The following LY86 variants were observed in gnomAD, a reference collection of about 807,000 sequenced individuals.
The protein encoded by LY86 is MD-1, RP105-associated.
A neutral mutation model predicts 17.3 loss-of-function variants in LY86; 20 were observed. That is an observed-to-expected ratio of 1.15 (90% CI 0.81 to 1.68). The LOEUF (loss-of-function observed/expected upper bound fraction) is 1.68, where lower values mean the gene tolerates loss of function less well. Ranked by LOEUF, LY86 falls within the 40% of genes most tolerant of loss-of-function variation. The pLI is 0.00. For missense variants in LY86, 200 were observed against 191.9 expected (o/e 1.04, Z -0.25); for synonymous variants, 74 against 70.6 (o/e 1.05, Z -0.24).
chr6:6,614,187 G>A (rs1761487966), intron 1 of LY86, among the ~76,000 whole-genome samples: 1 of 152,052 alleles, frequency 6.6e-6, no homozygotes, highest in Non-Finnish European at 1.5e-5. Flanking sequence ...CACACACAAC[G>A]CAACACAATC....
intron 3 of LY86, among the ~76,000 whole-genome samples, chr6:6,635,784 C>T (rs187921934): frequency 2.6e-5 from 4 of 152,324 alleles, no homozygotes; most frequent in African/African-American, 7.2e-5. Flanking sequence ...CTCCTCTTCT[C>T]GTGGATGGAT....
rs2233120 is a variant in LY86 at position 6,588,932 on chromosome 6, C to T, written c.136+62C>T. On this transcript the variant is annotated intron_variant, in intron 1 of 4. Coordinates refer to ENST00000230568, the MANE Select transcript of LY86 (RefSeq NM_004271.4). ...GAAAGCAAGGCCCACAGATGTGAGC[C>T]GCTAGTGCTCAGTTGGAGTTGGGGT... 4,264 of 1,563,376 alleles carry T rather than the reference C, an allele frequency of 2.7e-3. 97 individuals are homozygous for T. The Admixed American group carries it at 0.041, about 15-fold the overall frequency.
intron 4 of LY86, among the ~76,000 whole-genome samples, chr6:6,650,013 A>G (rs887612545): frequency 6.6e-6 from 1 of 152,140 alleles, no homozygotes; most frequent in African/African-American, 2.4e-5. Flanking sequence ...GTGGGGTTCC[A>G]TATGGCAGTG....
chr6:6,624,271 G>C (rs1413797446), intron 1 of LY86, among the ~76,000 whole-genome samples: 1 of 149,936 alleles, frequency 6.7e-6, no homozygotes, highest in Non-Finnish European at 1.5e-5. Context: ...CTTTGTGAAT[G>C]AGCAGAAGTT....
chr6:6,652,168 G>A (rs1046725549), intron 4 of LY86, among the ~76,000 whole-genome samples: 1 of 150,854 alleles, frequency 6.6e-6, no homozygotes, highest in African/African-American at 2.4e-5. Context: ...TTCTTCAACC[G>A]CTGATGGTAC....
chr6:6,647,980 C>T (rs755136469), intron 3 of LY86, among the ~76,000 whole-genome samples: 2 of 38,996 alleles, frequency 5.1e-5, no homozygotes, highest in South Asian at 1.5e-3. Context: ...CACACACACA[C>T]ACACACACAC....
At chr6:6,612,531 A>T (rs988216304) in intron 1 of LY86, among the ~76,000 whole-genome samples, 1 of 152,200 alleles carries the variant, frequency 6.6e-6, no homozygotes, top group Non-Finnish European at 1.5e-5. Flanking sequence ...GAACAAACCA[A>T]CCACACAAAA....
rs113353455 is a variant in LY86, at chr6:6,624,886, C to T, written c.137-40C>T. The T allele has an allele frequency of 5.2e-5, 47 of 900,110 alleles. No homozygotes were observed. The Middle Eastern group carries it at 6.8e-4, about 13-fold the overall frequency. 55.8% of individuals were successfully genotyped at this position (900,110 alleles called of 1,614,324 possible). On this transcript the variant is annotated intron_variant, in intron 1 of 4. Transcript: ENST00000230568. ...ATTTTGAATATGTTTGCAAAATATA[C>T]GATGTACTCGCAACTAATCTATTGT...
chr6:6,603,629 CA>C (rs1280116691), intron 1 of LY86, among the ~76,000 whole-genome samples: 5 of 63,148 alleles, frequency 7.9e-5, no homozygotes, highest in African/African-American at 2.0e-4. Context: ...CAAAAAAAAA[CA>C]AAACACACAC....
intron 1 of LY86, 22 bp from the exon 2 acceptor site, chr6:6,624,904 T>A (rs760012549): frequency 8.4e-7 from 1 of 1,194,398 alleles, no homozygotes; most frequent in Non-Finnish European, 1.2e-6. Context: ...TCGCAACTAA[T>A]CTATTGTTTT....
intron 1 of LY86, 68 bp downstream of exon 1, chr6:6,588,938 T>G: frequency 2.6e-6 from 4 of 1,542,180 alleles, no homozygotes; most frequent in Non-Finnish European, 2.6e-6. Context: ...GAGCCGCTAG[T>G]GCTCAGTTGG....
At chr6:6,592,821 CTG>C (rs1760573582) in intron 1 of LY86, among the ~76,000 whole-genome samples, 1 of 152,208 alleles carries the variant, frequency 6.6e-6, no homozygotes, top group Admixed American at 6.5e-5. Context: ...CTCCAGGACT[CTG>C]AGAAATCAAT....
chr6:6,617,748 T>C (rs1761587619), intron 1 of LY86, among the ~76,000 whole-genome samples: 1 of 152,230 alleles, frequency 6.6e-6, no homozygotes, highest in South Asian at 2.1e-4. Context: ...GTTAGGATCC[T>C]ATGCTATGTG....
intron 1 of LY86, among the ~76,000 whole-genome samples, chr6:6,593,058 C>T (rs1760581752): frequency 6.6e-6 from 1 of 152,224 alleles, no homozygotes; most frequent in Admixed American, 6.5e-5. Flanking sequence ...CCTGTTGTTG[C>T]TGTGACAAAT....
chr6:6,650,684 T>C (rs1283415339), intron 4 of LY86, among the ~76,000 whole-genome samples: 1 of 152,226 alleles, frequency 6.6e-6, no homozygotes, highest in Non-Finnish European at 1.5e-5. Context: ...CATGCTGATG[T>C]ATTCAGTACA....
intron 3 of LY86, among the ~76,000 whole-genome samples, chr6:6,645,925 C>T (rs1762100444): frequency 6.6e-6 from 1 of 152,148 alleles, no homozygotes; most frequent in South Asian, 2.1e-4. Flanking sequence ...ATGAGTTCTG[C>T]TTCTCTTGCC....
intron 1 of LY86, among the ~76,000 whole-genome samples, chr6:6,593,999 T>C (rs541215222): frequency 1.1e-4 from 16 of 152,252 alleles, no homozygotes; most frequent in Non-Finnish European, 1.8e-4. Flanking sequence ...TGGGCAATCC[T>C]CCATAAATAT....
intron 4 of LY86, among the ~76,000 whole-genome samples, chr6:6,653,585 C>A (rs1331482219): frequency 6.6e-6 from 1 of 152,196 alleles, no homozygotes; most frequent in Non-Finnish European, 1.5e-5. Context: ...AAGCTGACTG[C>A]AAAGGAAGGG....
chr6:6,605,885 T>C (rs1581236223), intron 1 of LY86, among the ~76,000 whole-genome samples: 1 of 148,320 alleles, frequency 6.7e-6, no homozygotes, highest in Non-Finnish European at 1.5e-5. Flanking sequence ...TTTCTCGCGG[T>C]GGGTTCTTAG....
Sources: gnomAD v4.1 joint callset for allele counts (sites outside exome capture counted in the v4.1 genomes callset) on GRCh38, gnomAD v4.1.1 for gene constraint, MANE v1.5 for transcripts, NCBI Gene and HGNC (gene_info 2026-07-23, HGNC 2026-07-21) for gene names.